Variants in CLPX observed in about 807,000 individuals in gnomAD.
The protein encoded by CLPX is caseinolytic mitochondrial matrix peptidase chaperone subunit X.
CLPX carries 34 observed loss-of-function variants against 76.4 expected under a neutral mutation model. The observed-to-expected ratio is 0.45, with a 90% CI of 0.34 to 0.59. The LOEUF (loss-of-function observed/expected upper bound fraction) is 0.59. Ranked by LOEUF, CLPX falls within the 20% of genes least tolerant of loss-of-function variation. CLPX has a pLI of 0.01. For missense variants in CLPX, 613 were observed against 757.0 expected (o/e 0.81, Z 2.23); for synonymous variants, 248 against 270.9 (o/e 0.92, Z 0.83).
chr15:65,180,158 C>G lies in CLPX; in HGVS notation c.126G>C (p.Gly42=), dbSNP rs1192176597. The G allele has an allele frequency of 5.0e-6, 8 of 1,608,860 alleles. No individual in the cohort carries two copies. Among genetic ancestry groups the G allele is most frequent in the Non-Finnish European group, 5.9e-6 (7 of 1,177,018 alleles). ...RIHMSVLGRL[G]TFETQILQRA... ...TTTGCAGAATCTGAGTTTCAAATGT[C>G]CCAAGCCTTCCTAAAACTGACATAT... The change falls in exon 2 of 14, where the codon GGG becomes GGC. Residue 42 remains glycine (G), a synonymous_variant. Coordinates refer to ENST00000300107, the MANE Select transcript of CLPX (RefSeq NM_006660.5).
intron 11 of CLPX, among the ~76,000 whole-genome samples, chr15:65,153,938 TAC>T (rs1259017854): frequency 9.2e-5 from 14 of 152,210 alleles, no homozygotes; most frequent in African/African-American, 3.4e-4. Flanking sequence ...CCAAGCAACT[TAC>T]AGTCTATTGT....
At chr15:65,151,344 C>CAAAA (rs571760722) in intron 13 of CLPX, among the ~76,000 whole-genome samples, 1 of 59,296 alleles carries the variant, frequency 1.7e-5, no homozygotes, top group African/African-American at 6.6e-5. Flanking sequence ...GACTGAGTCT[C>CAAAA]AAAAAAAAAA....
intron 3 of CLPX, 119 bp from the exon 4 acceptor site, chr15:65,166,904 C>T (rs2087922141): frequency 1.1e-6 from 1 of 931,064 alleles, no homozygotes; most frequent in Non-Finnish European, 1.6e-6. Flanking sequence ...ACTTGCTGTT[C>T]AATCTACTTG....
intron 1 of CLPX, chr15:65,184,533 G>A (rs2088227408): frequency 6.5e-6 from 1 of 153,916 alleles, no homozygotes; most frequent in African/African-American, 2.4e-5. Flanking sequence ...CCAGTGTCAG[G>A]GCCGCACAGT....
chr15:65,151,897 T>C (rs1022248480), intron 13 of CLPX, among the ~76,000 whole-genome samples: 3 of 152,170 alleles, frequency 2.0e-5, no homozygotes, highest in African/African-American at 4.8e-5. Context: ...GTTAGGAAAC[T>C]GTAGCTTGCT....
intron 6 of CLPX, among the ~76,000 whole-genome samples, chr15:65,160,768 T>A (rs1160775763): frequency 6.6e-6 from 1 of 152,222 alleles, no homozygotes; most frequent in Non-Finnish European, 1.5e-5. Flanking sequence ...AAAGAAATAA[T>A]TTAAATGATA....
intron 6 of CLPX, among the ~76,000 whole-genome samples, chr15:65,162,082 C>T (rs1047605334): frequency 1.3e-4 from 20 of 152,166 alleles, no homozygotes; most frequent in Non-Finnish European, 1.2e-4. Flanking sequence ...AATGCAGCAA[C>T]TAACTATATC....
At chr15:65,156,424 C>T (rs931297995) in intron 9 of CLPX, among the ~76,000 whole-genome samples, 4 of 152,136 alleles carry the variant, frequency 2.6e-5, no homozygotes, top group African/African-American at 9.7e-5. Flanking sequence ...GCCAATAGAT[C>T]ATTGTGACTT....
At chr15:65,168,572 G>A (rs1329796024) in intron 3 of CLPX, among the ~76,000 whole-genome samples, 5 of 124,734 alleles carry the variant, frequency 4.0e-5, no homozygotes, top group African/African-American at 1.2e-4. Context: ...CACAGGGTGG[G>A]GAACATCACA....
rs200167720 is a variant in CLPX at position 65,160,627 on chromosome 15, A to T, written c.716-1876T>A. Among the ~76,000 whole-genome samples, 788 of 122,188 alleles carry T rather than the reference A, an allele frequency of 6.4e-3. 2 individuals are homozygous for T. Among genetic ancestry groups the T allele is most frequent in the African/African-American group, 8.2e-3 (212 of 25,766 alleles). The allele number at this position is 122,188 out of a possible 152,430, so 80.2% of individuals were successfully genotyped here. A position where few individuals can be genotyped will look rare whatever the true frequency, so the allele number is the denominator to read the frequency against. On this transcript the variant is annotated intron_variant, in intron 6 of 13. Transcript: ENST00000300107. Reference sequence around the variant, plus strand: ...CTCTCTCTCTCTCTCTCTCTCTCACACACACACACACACACACACACACAC... The same window carrying T: ...CTCTCTCTCTCTCTCTCTCTCTCACTCACACACACACACACACACACACAC...
Position 65,166,670 on chromosome 15 carries a change from T to C in CLPX, c.474A>G (p.Lys158=), listed in dbSNP as rs1211019935. Residue 158 remains lysine (K), a synonymous_variant, in exon 4 of 14, where the codon AAA becomes AAG. Coordinates refer to ENST00000300107, the MANE Select transcript of CLPX (RefSeq NM_006660.5). ...GTGGTGGTTTCTGTTGGAATGCCAA[T>C]TTTACAGCTTCTGCTGCTGATTCAG... ...KEPESAAEAV[K]LAFQQKPPPP... 5 of 1,614,156 alleles carry C rather than the reference T, an allele frequency of 3.1e-6. No individual in the cohort carries two copies. In the East Asian group the frequency reaches 8.9e-5, roughly 29 times the overall value.
At chr15:65,162,560 T>G in intron 6 of CLPX, 44 bp downstream of exon 6, 2 of 1,361,416 alleles carry the variant, frequency 1.5e-6, no homozygotes, top group Non-Finnish European at 2.1e-6. Flanking sequence ...GAAATAAATG[T>G]CAAAAGGAAG....
chr15:65,176,598 CT>C (rs747274807), intron 3 of CLPX, among the ~76,000 whole-genome samples: 242 of 140,848 alleles, frequency 1.7e-3, no homozygotes, highest in Admixed American at 2.6e-3. Flanking sequence ...TTTTTTCTTT[CT>C]TTTTTTTTTT....
chr15:65,163,751 T>G (rs2087878693), intron 5 of CLPX, among the ~76,000 whole-genome samples: 1 of 152,138 alleles, frequency 6.6e-6, no homozygotes, highest in South Asian at 2.1e-4. Flanking sequence ...CCTCCAAACG[T>G]GCTGGGATTA....
At chr15:65,170,885 C>G (rs748384823) in intron 3 of CLPX, among the ~76,000 whole-genome samples, 5 of 143,660 alleles carry the variant, frequency 3.5e-5, no homozygotes, top group Non-Finnish European at 7.5e-5. Context: ...TGCAGTGGCA[C>G]GATCTGGGCT....
chr15:65,161,784 TTTC>T (rs2087858860), intron 6 of CLPX, among the ~76,000 whole-genome samples: 2 of 152,190 alleles, frequency 1.3e-5, no homozygotes, highest in African/African-American at 2.4e-5. Context: ...ACTTACTGTA[TTTC>T]TTAATTTTAC....
At position 65,185,180 on chromosome 15, in the gene CLPX, G is replaced by T; in HGVS notation, c.-27C>A. 1 of 1,541,200 alleles carries T rather than the reference G, an allele frequency of 6.5e-7. No individual in the cohort carries two copies. Among genetic ancestry groups the T allele is most frequent in the South Asian group, 1.2e-5 (1 of 83,704 alleles). ...TCCGCGAGGCCTAGGCCGGGGCTTC[G>T]CCCCCTGAGGACCTCCGGGTCACAG... On this transcript the variant is annotated 5_prime_UTR_variant, in exon 1 of 14. Coordinates refer to ENST00000300107, the MANE Select transcript of CLPX (RefSeq NM_006660.5).
chr15:65,172,728 TAG>T (rs2140640346), intron 3 of CLPX, among the ~76,000 whole-genome samples: 1 of 152,254 alleles, frequency 6.6e-6, no homozygotes, highest in Admixed American at 6.5e-5. Flanking sequence ...TTAACATCAT[TAG>T]TCATTAGGGA....
At chr15:65,169,904 G>A (rs2087976068) in intron 3 of CLPX, among the ~76,000 whole-genome samples, 1 of 151,898 alleles carries the variant, frequency 6.6e-6, no homozygotes, top group Non-Finnish European at 1.5e-5. Context: ...GGGATTACAG[G>A]CATGTGTCAC....
Sources: gnomAD v4.1 joint callset for allele counts (sites outside exome capture counted in the v4.1 genomes callset) on GRCh38, gnomAD v4.1.1 for gene constraint, MANE v1.5 for transcripts, NCBI Gene and HGNC (gene_info 2026-07-23, HGNC 2026-07-21) for gene names.